RAB10: variants seen among roughly 807,000 people sequenced by gnomAD.
RAB10 encodes the protein RAB10, member RAS oncogene family.
RAB10 carries 5 observed loss-of-function variants against 25.7 expected under a neutral mutation model. The observed-to-expected ratio is 0.19, with a 90% CI of 0.10 to 0.41. RAB10 has a LOEUF of 0.41. Among genes scored for constraint, RAB10 ranks in the 10% least tolerant of loss-of-function variants. The pLI is 1.00. For synonymous variants in RAB10, 89 were observed against 86.4 expected, an observed-to-expected ratio of 1.03 and a Z score of -0.16; for missense variants, 103 against 245.8, an observed-to-expected ratio of 0.42 and a Z score of 3.89.
chr2:26,073,003 G>T (rs560066960), intron 1 of RAB10, among the ~76,000 whole-genome samples: 1 of 152,282 alleles, frequency 6.6e-6, no homozygotes, highest in East Asian at 1.9e-4. Flanking sequence ...AAAAATTTGA[G>T]AAGCATTGGT....
At chr2:26,085,446 G>A (rs1044804048) in intron 1 of RAB10, among the ~76,000 whole-genome samples, 4 of 148,114 alleles carry the variant, frequency 2.7e-5, no homozygotes, top group South Asian at 2.1e-4. Flanking sequence ...CTGAGATTGC[G>A]CCACTGCACT....
At chr2:26,087,832 A>C (rs1436661122) in intron 1 of RAB10, among the ~76,000 whole-genome samples, 1 of 152,232 alleles carries the variant, frequency 6.6e-6, no homozygotes, top group Non-Finnish European at 1.5e-5. Flanking sequence ...ACATTGTAAA[A>C]TGTTAACTAC....
In RAB10 at chr2:26,059,805, T is replaced by C. The variant is rs576751902; in HGVS notation, c.127+25070T>C. Reference sequence around the variant, plus strand: ...GTTTAATGGGTATGGAGTTTCATTCTGCAAGATGAAAAAGTTCTGGAGATA... The same window carrying C: ...GTTTAATGGGTATGGAGTTTCATTCCGCAAGATGAAAAAGTTCTGGAGATA... On this transcript the variant is annotated intron_variant, in intron 1 of 5. Transcript: ENST00000264710. Among the ~76,000 whole-genome samples, 17 of 152,338 alleles carry C rather than the reference T, an allele frequency of 1.1e-4. No individual in the cohort carries two copies. The East Asian group carries it at 3.1e-3, about 28-fold the overall frequency.
Position 26,114,737 on chromosome 2 carries a change from C to CAAAAAAAAAAAAAAAAAAAA in RAB10, c.327+4849_327+4850insAAAAAAAAAAAAAAAAAAAA, listed in dbSNP as rs58252306. Among the ~76,000 whole-genome samples, 16 of 66,054 alleles carry CAAAAAAAAAAAAAAAAAAAA rather than the reference C, an allele frequency of 2.4e-4. 1 individual carries two copies. Among genetic ancestry groups the CAAAAAAAAAAAAAAAAAAAA allele is most frequent in the African/African-American group, 7.6e-4 (14 of 18,360 alleles). The allele number at this position is 66,054 out of a possible 152,430, so 43.3% of individuals were successfully genotyped here. A position where few individuals can be genotyped will look rare whatever the true frequency, so the allele number is the denominator to read the frequency against. ...GAAACCCCATCTCTACAAAAATATA[C>CAAAAAAAAAAAAAAAAAAAA]AAAAAAAAAAAAAAAAAATTAGTCG... On this transcript the variant is annotated intron_variant, in intron 3 of 5. Transcript: ENST00000264710.
chr2:26,045,259 A>G (rs1274175646), intron 1 of RAB10, among the ~76,000 whole-genome samples: 4 of 139,716 alleles, frequency 2.9e-5, no homozygotes, highest in Non-Finnish European at 6.2e-5. Context: ...TTTTTTTTTG[A>G]GACAGAGTCT....
At chr2:26,099,057 G>A (rs1667286292) in intron 2 of RAB10, among the ~76,000 whole-genome samples, 2 of 152,282 alleles carry the variant, frequency 1.3e-5, no homozygotes, top group African/African-American at 2.4e-5. Flanking sequence ...GAAATGCATT[G>A]CGAAAATGTT....
intron 3 of RAB10, among the ~76,000 whole-genome samples, chr2:26,124,315 A>G (rs1299656503): frequency 1.4e-5 from 2 of 139,534 alleles, no homozygotes; most frequent in Non-Finnish European, 3.1e-5. Context: ...TTTTTTTCTT[A>G]TAGCTACAGG....
chr2:26,109,979 C>A, intron 3 of RAB10, 73 bp downstream of exon 3: 1 of 1,352,750 alleles, frequency 7.4e-7, no homozygotes, highest in Non-Finnish European at 9.9e-7. Context: ...ATAAATATTC[C>A]AACTGATCTT....
At chr2:26,109,333 C>T (rs974646982) in intron 2 of RAB10, among the ~76,000 whole-genome samples, 1 of 152,124 alleles carries the variant, frequency 6.6e-6, no homozygotes, top group Admixed American at 6.6e-5. Flanking sequence ...ACATCTTACA[C>T]CTTTGGCTTT....
chr2:26,104,992 C>T lies in RAB10; in HGVS notation c.189-4776C>T, dbSNP rs1190274426. On this transcript the variant is annotated intron_variant, in intron 2 of 5. Coordinates refer to ENST00000264710, the MANE Select transcript of RAB10 (RefSeq NM_016131.5). ...GACCTCGTGATCCACCCGCCTCGGC[C>T]TCCCAAAGTCCTGGGATTACAGGCG... Among the ~76,000 whole-genome samples the T allele has an allele frequency of 2.0e-5, 3 of 152,106 alleles. No individual in the cohort carries two copies. The South Asian group carries it at 6.2e-4, about 32-fold the overall frequency.
intron 2 of RAB10, among the ~76,000 whole-genome samples, chr2:26,100,395 A>G (rs572778631): frequency 2.0e-5 from 3 of 152,244 alleles, no homozygotes; most frequent in Non-Finnish European, 4.4e-5. Flanking sequence ...TTACAAGACA[A>G]TGAGAATAGA....
At chr2:26,051,571 G>C (rs1666133757) in intron 1 of RAB10, among the ~76,000 whole-genome samples, 1 of 150,160 alleles carries the variant, frequency 6.7e-6, no homozygotes, top group South Asian at 2.1e-4. Context: ...CCAACATGGT[G>C]AAACACCGTT....
At chr2:26,113,097 A>G (rs145566472) in intron 3 of RAB10, among the ~76,000 whole-genome samples, 1 of 152,236 alleles carries the variant, frequency 6.6e-6, no homozygotes, top group African/African-American at 2.4e-5. Context: ...AAAGAAAGAA[A>G]GAGGAAATCT....
At chr2:26,080,052 C>T (rs949152501) in intron 1 of RAB10, among the ~76,000 whole-genome samples, 6 of 152,148 alleles carry the variant, frequency 3.9e-5, no homozygotes, top group Non-Finnish European at 8.8e-5. Context: ...GATCCTGGAA[C>T]ATCTTGTGAT....
Position 26,037,023 on chromosome 2 carries a change from G to C in RAB10, c.127+2288G>C, listed in dbSNP as rs573156921. ...TGGTCTTGACCTCAAGCAATCCACC[G>C]CCCCAGCCTCCCAAAGTGCTGGGAT... On this transcript the variant is annotated intron_variant, in intron 1 of 5. Transcript: ENST00000264710. 4.3e-4 allele frequency among the ~76,000 whole-genome samples: 65 copies of C among 152,072 alleles called. 2 individuals are homozygous for C. In the South Asian group the frequency reaches 0.013, roughly 30 times the overall value.
At chr2:26,063,513 T>C (rs990947883) in intron 1 of RAB10, among the ~76,000 whole-genome samples, 6 of 152,220 alleles carry the variant, frequency 3.9e-5, no homozygotes, top group Admixed American at 3.9e-4. Context: ...CTTTAGCATG[T>C]ACCTCTTCAA....
At chr2:26,081,391 A>G (rs1389971263) in intron 1 of RAB10, among the ~76,000 whole-genome samples, 1 of 152,156 alleles carries the variant, frequency 6.6e-6, no homozygotes, top group African/African-American at 2.4e-5. Flanking sequence ...CAAAATGCAA[A>G]CAAACCTAAA....
chr2:26,086,169 GTAAC>G (rs1403675147), intron 1 of RAB10, among the ~76,000 whole-genome samples: 1 of 151,522 alleles, frequency 6.6e-6, no homozygotes, highest in East Asian at 1.9e-4. Context: ...ACAAAAAAAA[GTAAC>G]TGAGTCTGGT....
At chr2:26,128,731 A>G (rs775769309) in intron 5 of RAB10, among the ~76,000 whole-genome samples, 11 of 152,208 alleles carry the variant, frequency 7.2e-5, no homozygotes, top group Admixed American at 1.3e-4. Context: ...AAAACCTATT[A>G]TGTAAGAAAA....
Sources: allele counts gnomAD v4.1 joint callset (sites outside exome capture counted in the v4.1 genomes callset), GRCh38; gene constraint gnomAD v4.1.1; transcripts MANE v1.5; gene names NCBI Gene and HGNC (gene_info 2026-07-23, HGNC 2026-07-21).